DPP8: variants seen among roughly 807,000 people sequenced by gnomAD.
DPP8 encodes the protein dipeptidyl peptidase 8, also known as DPP VIII.
In DPP8, 31 loss-of-function variants were observed where a neutral mutation model predicts 107.5. The observed-to-expected ratio is 0.29, with a 90% CI of 0.22 to 0.39. The LOEUF (loss-of-function observed/expected upper bound fraction) is 0.39. Ranked by LOEUF, DPP8 falls within the 10% of genes least tolerant of loss-of-function variation. The pLI is 1.00. For missense variants in DPP8, 842 were observed against 1,076.1 expected, an observed-to-expected ratio of 0.78 and a Z score of 3.04; for synonymous variants, 381 against 356.6, an observed-to-expected ratio of 1.07 and a Z score of -0.77.
At chr15:65,471,770 G>C (rs567968976) in intron 12 of DPP8, among the ~76,000 whole-genome samples, 10 of 152,160 alleles carry the variant, frequency 6.6e-5, no homozygotes, top group Non-Finnish European at 1.3e-4. Flanking sequence ...CTACAAGTTT[G>C]AGCTACCATG....
intron 7 of DPP8, 95 bp downstream of exon 7, chr15:65,487,595 A>G: frequency 1.7e-6 from 2 of 1,198,522 alleles, no homozygotes; most frequent in Non-Finnish European, 2.4e-6. Flanking sequence ...GCTGGAAATG[A>G]CCAATGTTGT....
At chr15:65,495,853 G>C (rs1362358228) in intron 5 of DPP8, among the ~76,000 whole-genome samples, 1 of 152,130 alleles carries the variant, frequency 6.6e-6, no homozygotes, top group Non-Finnish European at 1.5e-5. Context: ...CTGCACTCCA[G>C]CCTGGGTGAC....
intron 12 of DPP8, 110 bp downstream of exon 12, chr15:65,474,099 T>C (rs2066167255): frequency 1.2e-6 from 1 of 812,706 alleles, no homozygotes; most frequent in African/African-American, 1.7e-5. Context: ...AGCAAGACTC[T>C]GTCTCGGAAA....
intron 7 of DPP8, among the ~76,000 whole-genome samples, chr15:65,485,787 A>G (rs1198405645): frequency 4.0e-5 from 6 of 151,586 alleles, no homozygotes; most frequent in Non-Finnish European, 7.4e-5. Context: ...GTAAAACCCC[A>G]TATCTACAAA....
chr15:65,450,048 A>ATCTTTG (rs2063859284), intron 19 of DPP8, among the ~76,000 whole-genome samples: 1 of 151,810 alleles, frequency 6.6e-6, no homozygotes, highest in South Asian at 2.1e-4. Flanking sequence ...GCTGATCGCA[A>ATCTTTG]CCTCTGCCTC....
Position 65,474,224 on chromosome 15 carries a change from G to T in DPP8, c.1521C>A (p.Gly507=). 6.2e-7 allele frequency: 1 copy of T among 1,611,230 alleles called. No individual in the cohort carries two copies. Residue 507 remains glycine, a synonymous_variant, in exon 12 of 20, where the codon GGC becomes GGA. Coordinates refer to ENST00000300141, the MANE Select transcript of DPP8 (RefSeq NM_130434.5). ...AITSGEWEVL[G]RHGSNIQVDE... ...AATAACATACATTAGATCCATGCCGGCCAAGAACTTCCCATTCACCACTGG... is the reference window on the plus strand; with the variant it reads ...AATAACATACATTAGATCCATGCCGTCCAAGAACTTCCCATTCACCACTGG...
chr15:65,467,239 C>T lies in DPP8; in HGVS notation c.1537-16G>A, dbSNP rs1203332363. The T allele has an allele frequency of 8.1e-6, 13 of 1,613,562 alleles. No individual in the cohort carries two copies. The East Asian group carries it at 2.7e-4, about 33-fold the overall frequency. ...CAACTTGGATCTGACAAGATAACAACAATAACAAAATCAGGGCTAACATGA... is the reference window on the plus strand; with the variant it reads ...CAACTTGGATCTGACAAGATAACAATAATAACAAAATCAGGGCTAACATGA... On this transcript the variant is annotated splice_polypyrimidine_tract_variant and intron_variant, in intron 12 of 19. Transcript: ENST00000300141.
intron 11 of DPP8, chr15:65,475,429 A>T: frequency 6.4e-7 from 1 of 1,572,354 alleles, no homozygotes; most frequent in Non-Finnish European, 8.7e-7. Flanking sequence ...AATATACCTT[A>T]TTATGGCATT....
At chr15:65,499,660 G>GCT (rs1252315938) in intron 4 of DPP8, among the ~76,000 whole-genome samples, 2 of 152,062 alleles carry the variant, frequency 1.3e-5, no homozygotes, top group Non-Finnish European at 2.9e-5. Flanking sequence ...CGCCTCCCAG[G>GCT]CTCAAATGAT....
chr15:65,475,703 A>G (rs2066321938), intron 11 of DPP8: 4 of 545,342 alleles, frequency 7.3e-6, no homozygotes, highest in Non-Finnish European at 1.3e-5. Flanking sequence ...TTTGCCAAAA[A>G]ATAACCCAGG....
chr15:65,491,834 G>A (rs965743586), intron 5 of DPP8, among the ~76,000 whole-genome samples: 10 of 152,118 alleles, frequency 6.6e-5, no homozygotes, highest in African/African-American at 2.4e-4. Context: ...CCGGGTTCAC[G>A]CCATTCTCCT....
At chr15:65,512,267 C>T in intron 2 of DPP8, 28 bp downstream of exon 2, 1 of 1,575,236 alleles carries the variant, frequency 6.3e-7, no homozygotes. Context: ...AGATCATTTT[C>T]TCTCAGAAAC....
At chr15:65,486,990 A>G (rs1292431270) in intron 7 of DPP8, among the ~76,000 whole-genome samples, 2 of 151,970 alleles carry the variant, frequency 1.3e-5, no homozygotes, top group Non-Finnish European at 2.9e-5. Context: ...TAAAATTTAA[A>G]ATAAAAAAAA....
Position 65,504,667 on chromosome 15 carries a change from CAAAAA to C in DPP8, c.372+2571_372+2575del, listed in dbSNP as rs371246881. On this transcript the variant is annotated intron_variant, in intron 3 of 19. Transcript: ENST00000300141. ...CTGGCGACAGAGCAAGATTCCGTCT[CAAAAA>C]AAAAAAAAAAAAAACTGTGGTAGAA... is the stretch of plus-strand genomic sequence containing the variant. Among the ~76,000 whole-genome samples, 3 of 108,880 alleles carry C rather than the reference CAAAAA, an allele frequency of 2.8e-5. No homozygotes were observed. The Admixed American group carries it at 3.1e-4, about 11-fold the overall frequency. The allele number at this position is 108,880 out of a possible 152,430, so 71.4% of individuals were successfully genotyped here.
chr15:65,490,658 G>C (rs1596035610), intron 5 of DPP8, among the ~76,000 whole-genome samples: 2 of 152,230 alleles, frequency 1.3e-5, no homozygotes, highest in East Asian at 3.9e-4. Flanking sequence ...TACAAGAAAA[G>C]GAGCACAGTA....
intron 4 of DPP8, 102 bp from the exon 5 acceptor site, chr15:65,498,134 C>T: frequency 1.1e-6 from 1 of 938,180 alleles, no homozygotes; most frequent in South Asian, 2.8e-5. Flanking sequence ...AAAATGTCAA[C>T]AATGAGGCCG....
chr15:65,509,263 TCCTTCTAAGAG>T (rs2070455278), intron 2 of DPP8, among the ~76,000 whole-genome samples: 1 of 152,202 alleles, frequency 6.6e-6, no homozygotes, highest in Admixed American at 6.5e-5. Flanking sequence ...CAAAATGTGA[TCCTTCTAAGAG>T]CCTTCAGTCT....
chr15:65,475,443 G>A (rs1283713066), intron 11 of DPP8: 11 of 1,570,078 alleles, frequency 7.0e-6, no homozygotes, highest in Admixed American at 1.7e-5. Flanking sequence ...TGGCATTCAG[G>A]GAGCCAGGGT....
At chr15:65,479,377 ATTT>A (rs1567206241) in intron 10 of DPP8, among the ~76,000 whole-genome samples, 2 of 151,982 alleles carry the variant, frequency 1.3e-5, no homozygotes, top group African/African-American at 4.8e-5. Flanking sequence ...AGATGAGGTA[ATTT>A]TTTTTATTTT....
Sources: gnomAD v4.1 joint callset for allele counts (sites outside exome capture counted in the v4.1 genomes callset) on GRCh38, gnomAD v4.1.1 for gene constraint, MANE v1.5 for transcripts, NCBI Gene and HGNC (gene_info 2026-07-23, HGNC 2026-07-21) for gene names.